Variants in ZNF438 observed in about 807,000 individuals in gnomAD.
ZNF438 encodes the protein zinc finger protein 438.
In ZNF438, 25 loss-of-function variants were observed where a neutral mutation model predicts 38.0. The observed-to-expected ratio is 0.66, with a 90% CI of 0.48 to 0.92. The LOEUF (loss-of-function observed/expected upper bound fraction) is 0.92. Ranked by LOEUF, ZNF438 falls within the 40% of genes least tolerant of loss-of-function variation. The pLI, the probability that ZNF438 is intolerant of heterozygous loss-of-function variation, is 0.00. For synonymous variants in ZNF438, 372 were observed against 364.1 expected, an observed-to-expected ratio of 1.02 and a Z score of -0.25; for missense variants, 1,007 against 999.6, an observed-to-expected ratio of 1.01 and a Z score of -0.10.
At chr10:30,918,266 A>G (rs2134814049) in intron 2 of ZNF438, among the ~76,000 whole-genome samples, 2 of 152,206 alleles carry the variant, frequency 1.3e-5, no homozygotes, top group South Asian at 4.1e-4. Context: ...AGTCTTTTAC[A>G]TTTCTATGTA....
intron 1 of ZNF438, among the ~76,000 whole-genome samples, chr10:31,015,869 GGTGAAAAGAGAGCTCTGGTATCTCT>G (rs2056151981): frequency 6.6e-6 from 1 of 152,158 alleles, no homozygotes; most frequent in Non-Finnish European, 1.5e-5. Context: ...TCTTCACACA[GGTGAAAAGAGAGCTCTGGTATCTCT>G]TCCTCTCCTT....
chr10:30,980,600 A>T (rs932042043), intron 1 of ZNF438, among the ~76,000 whole-genome samples: 15 of 152,198 alleles, frequency 9.9e-5, no homozygotes, highest in African/African-American at 3.6e-4. Context: ...TGTTTATTAG[A>T]CTCCAAAATG....
intron 2 of ZNF438, among the ~76,000 whole-genome samples, chr10:30,915,867 A>G (rs2134719817): frequency 6.6e-6 from 1 of 152,110 alleles, no homozygotes; most frequent in Middle Eastern, 3.4e-3. Context: ...GCATTAGTGG[A>G]AAGAGGTCAA....
At chr10:30,983,279 T>G (rs1421422477) in intron 1 of ZNF438, among the ~76,000 whole-genome samples, 1 of 152,198 alleles carries the variant, frequency 6.6e-6, no homozygotes, top group Non-Finnish European at 1.5e-5. Flanking sequence ...TATCTGAGAC[T>G]GGGTAATTTA....
intron 1 of ZNF438, among the ~76,000 whole-genome samples, chr10:30,960,838 C>A (rs187982998): frequency 3.5e-4 from 51 of 146,564 alleles, no homozygotes; most frequent in African/African-American, 1.1e-3. Context: ...ATTTTAAAGA[C>A]GTTTTCAAAA....
chr10:30,849,547 T>C, exon 5 of ZNF438: 1 of 1,614,258 alleles, frequency 6.2e-7, no homozygotes, highest in South Asian at 1.1e-5. Flanking sequence ...CTTTGGGGAC[T>C]GAAGAGATCA....
intron 1 of ZNF438, among the ~76,000 whole-genome samples, chr10:31,002,806 G>T (rs1484506776): frequency 6.6e-6 from 1 of 152,154 alleles, no homozygotes; most frequent in Non-Finnish European, 1.5e-5. Flanking sequence ...CCCTGAAATG[G>T]CTATGACCCC....
intron 3 of ZNF438, among the ~76,000 whole-genome samples, chr10:30,894,487 T>A (rs938569876): frequency 6.6e-5 from 10 of 152,142 alleles, no homozygotes; most frequent in African/African-American, 2.4e-4. Context: ...CCACACAGAC[T>A]CTGGCAGGCT....
chr10:31,026,654 T>C (rs1169500391), intron 1 of ZNF438, among the ~76,000 whole-genome samples: 2 of 152,188 alleles, frequency 1.3e-5, no homozygotes, highest in East Asian at 1.9e-4. Context: ...GACTGTAAAC[T>C]AGTTCAAACA....
At chr10:31,013,289 A>G (rs935942677) in intron 1 of ZNF438, among the ~76,000 whole-genome samples, 1 of 151,976 alleles carries the variant, frequency 6.6e-6, no homozygotes, top group South Asian at 2.1e-4. Context: ...ACTGCACTCC[A>G]GCCTGGGCGA....
intron 1 of ZNF438, among the ~76,000 whole-genome samples, chr10:30,964,281 A>G (rs958709090): frequency 6.6e-6 from 1 of 152,212 alleles, no homozygotes; most frequent in Non-Finnish European, 1.5e-5. Flanking sequence ...TTAATGCCCT[A>G]TTCAAGCTTC....
chr10:30,926,233 C>T (rs1189388856), intron 2 of ZNF438, among the ~76,000 whole-genome samples: 2 of 152,126 alleles, frequency 1.3e-5, no homozygotes, highest in African/African-American at 2.4e-5. Flanking sequence ...TGTCAAAACT[C>T]GCTGAACTCA....
At chr10:30,996,586 A>C (rs989694584) in intron 1 of ZNF438, among the ~76,000 whole-genome samples, 1 of 151,988 alleles carries the variant, frequency 6.6e-6, no homozygotes, top group Non-Finnish European at 1.5e-5. Context: ...AGACAGTTGA[A>C]GGGATACACA....
chr10:30,891,254 T>C (rs1183893968), intron 3 of ZNF438, among the ~76,000 whole-genome samples: 1 of 152,200 alleles, frequency 6.6e-6, no homozygotes, highest in Admixed American at 6.5e-5. Flanking sequence ...TTCCTATTAT[T>C]GAAATGTTGG....
chr10:30,853,656 T>C (rs539008732), intron 4 of ZNF438, among the ~76,000 whole-genome samples: 73 of 152,350 alleles, frequency 4.8e-4, no homozygotes, highest in African/African-American at 1.8e-3. Context: ...TATATCCCAT[T>C]GTGAACTCCC....
At chr10:30,849,551 G>A in exon 5 of ZNF438, 1 of 1,614,240 alleles carries the variant, frequency 6.2e-7, no homozygotes, top group South Asian at 1.1e-5. Flanking sequence ...GGGGACTGAA[G>A]AGATCAACTG....
chr10:30,863,653 G>A (rs2035945248), intron 4 of ZNF438, among the ~76,000 whole-genome samples: 1 of 152,206 alleles, frequency 6.6e-6, no homozygotes, highest in African/African-American at 2.4e-5. Flanking sequence ...CCTGGAGATG[G>A]AGTGATGACA....
rs71527620 is a variant in ZNF438 at position 30,930,803 on chromosome 10, C to CAAAAAAAAAAAAAAAAAAAAAAAAAAAAA, written c.-115+10743_-115+10771dup. Among the ~76,000 whole-genome samples, 11 of 38,440 alleles carry CAAAAAAAAAAAAAAAAAAAAAAAAAAAAA rather than the reference C, an allele frequency of 2.9e-4. 1 individual carries two copies. Among genetic ancestry groups the CAAAAAAAAAAAAAAAAAAAAAAAAAAAAA allele is most frequent in the Non-Finnish European group, 3.4e-4 (7 of 20,344 alleles). 25.2% of individuals were successfully genotyped at this position (38,440 alleles called of 152,430 possible). A position where few individuals can be genotyped will look rare whatever the true frequency, so the allele number is the denominator to read the frequency against. ...GCCTGGCGACAGAGAGAAACTCAGT[C>CAAAAAAAAAAAAAAAAAAAAAAAAAAAAA]AAAAAAAAAAAAAAAAAAAAAAAAA... On this transcript the variant is annotated intron_variant, in intron 2 of 5. Coordinates refer to ENST00000413025, the Ensembl canonical transcript of ZNF438.
intron 1 of ZNF438, among the ~76,000 whole-genome samples, chr10:31,022,522 A>T (rs992000913): frequency 4.6e-5 from 7 of 152,076 alleles, no homozygotes; most frequent in Admixed American, 3.9e-4. Flanking sequence ...CGGCCTCCCA[A>T]AGTGCTGGGA....
Sources: allele counts gnomAD v4.1 joint callset (sites outside exome capture counted in the v4.1 genomes callset), GRCh38; gene constraint gnomAD v4.1.1; transcripts MANE v1.5; gene names NCBI Gene and HGNC (gene_info 2026-07-23, HGNC 2026-07-21).